ZFYVE9: variants seen among roughly 807,000 people sequenced by gnomAD.
The protein encoded by ZFYVE9 is zinc finger FYVE domain-containing protein 9.
In ZFYVE9, 43 loss-of-function variants were observed where a neutral mutation model predicts 126.7. The observed-to-expected ratio is 0.34, with a 90% CI of 0.27 to 0.44. The LOEUF (loss-of-function observed/expected upper bound fraction) is 0.44. Among genes scored for constraint, ZFYVE9 ranks in the 20% least tolerant of loss-of-function variants. The probability of loss-of-function intolerance (pLI) is 1.00; values close to 1 mark genes in which losing one functional copy is unlikely to be tolerated. For synonymous variants in ZFYVE9, 521 were observed against 597.4 expected (o/e 0.87, Z 1.87); for missense variants, 1,476 against 1,697.0 (o/e 0.87, Z 2.29).
chr1:52,189,197 A>G (rs1644793859), intron 1 of ZFYVE9, among the ~76,000 whole-genome samples: 1 of 150,348 alleles, frequency 6.7e-6, no homozygotes, highest in African/African-American at 2.5e-5. Context: ...TTAGCCTCCC[A>G]AAGTGCTAGG....
chr1:52,217,341 C>T (rs943195459), intron 2 of ZFYVE9, among the ~76,000 whole-genome samples: 3 of 152,016 alleles, frequency 2.0e-5, no homozygotes, highest in East Asian at 1.9e-4. Context: ...TTAACAGAAG[C>T]GGGGGTAGGA....
At chr1:52,334,079 C>T (rs904044921) in intron 14 of ZFYVE9, among the ~76,000 whole-genome samples, 4 of 145,308 alleles carry the variant, frequency 2.8e-5, no homozygotes, top group South Asian at 2.2e-4. Flanking sequence ...GGTGACAGAG[C>T]GAGACTCCGT....
At chr1:52,231,496 T>G (rs539008362) in intron 2 of ZFYVE9, among the ~76,000 whole-genome samples, 1 of 151,670 alleles carries the variant, frequency 6.6e-6, no homozygotes, top group Non-Finnish European at 1.5e-5. Context: ...CCAGCCTGGG[T>G]GACAGAGTGA....
chr1:52,344,987 A>G (rs751898270), intron 18 of ZFYVE9, 43 bp downstream of exon 18: 2 of 1,603,190 alleles, frequency 1.2e-6, no homozygotes, highest in African/African-American at 2.7e-5. Context: ...GCCTTGGGCA[A>G]CGTCTGTATT....
intron 1 of ZFYVE9, among the ~76,000 whole-genome samples, chr1:52,215,078 G>A (rs547819283): frequency 9.9e-5 from 15 of 152,104 alleles, no homozygotes; most frequent in African/African-American, 3.4e-4. Flanking sequence ...ATCTATTATT[G>A]GACTTGCCTC....
chr1:52,267,142 C>T, intron 6 of ZFYVE9, among the ~76,000 whole-genome samples: 1 of 152,144 alleles, frequency 6.6e-6, no homozygotes, highest in Non-Finnish European at 1.5e-5. Context: ...TCTGTAAATT[C>T]CTAGCCTACC....
At chr1:52,284,454 CT>C (rs1645834755) in intron 10 of ZFYVE9, among the ~76,000 whole-genome samples, 1 of 151,074 alleles carries the variant, frequency 6.6e-6, no homozygotes, top group Non-Finnish European at 1.5e-5. Context: ...GAGTCTCGCT[CT>C]GTCACCCAGC....
chr1:52,181,534 C>T (rs550520590), intron 1 of ZFYVE9, among the ~76,000 whole-genome samples: 1 of 152,300 alleles, frequency 6.6e-6, no homozygotes, highest in South Asian at 2.1e-4. Flanking sequence ...GCGTCTCTGC[C>T]TGGCCGCCCA....
intron 1 of ZFYVE9, among the ~76,000 whole-genome samples, chr1:52,189,514 G>T (rs1035615857): frequency 6.6e-6 from 1 of 151,976 alleles, no homozygotes; most frequent in African/African-American, 2.4e-5. Context: ...TGGAATTACA[G>T]GTGCGAGCCA....
chr1:52,264,040 G>A (rs1645610294), intron 5 of ZFYVE9, 168 bp downstream of exon 5: 1 of 405,014 alleles, frequency 2.5e-6, no homozygotes, highest in South Asian at 6.2e-5. Flanking sequence ...AAGTATCTTA[G>A]CATTTCAGAA....
intron 1 of ZFYVE9, among the ~76,000 whole-genome samples, chr1:52,193,965 A>G (rs983468566): frequency 2.6e-5 from 4 of 152,048 alleles, no homozygotes; most frequent in African/African-American, 7.2e-5. Flanking sequence ...TTAGAATTCT[A>G]TGTGTACAAT....
In ZFYVE9 at chr1:52,203,272, C is replaced by T. The variant is rs184242779; in HGVS notation, c.-142-13097C>T. On this transcript the variant is annotated intron_variant, in intron 1 of 18. Transcript: ENST00000287727. ...TCTCGGTTAACCTCAACCTCCACCT[C>T]CCAGGCTCAAGTGATACTCCTGCAT... Among the ~76,000 whole-genome samples the T allele has an allele frequency of 5.0e-4, 76 of 152,116 alleles. No individual in the cohort carries two copies. The East Asian group carries it at 0.014, about 28-fold the overall frequency.
At chr1:52,247,625 T>C (rs1355077246) in intron 4 of ZFYVE9, among the ~76,000 whole-genome samples, 1 of 151,942 alleles carries the variant, frequency 6.6e-6, no homozygotes, top group Admixed American at 6.6e-5. Flanking sequence ...GCCTCCCGAG[T>C]AGTTGGGATT....
intron 10 of ZFYVE9, 86 bp downstream of exon 10, chr1:52,281,902 T>C (rs1645809405): frequency 2.0e-6 from 3 of 1,499,246 alleles, no homozygotes; most frequent in Non-Finnish European, 2.8e-6. Flanking sequence ...GTCTTAACTT[T>C]GGACTTAAGC....
At chr1:52,289,633 G>A (rs1347041816) in intron 10 of ZFYVE9, among the ~76,000 whole-genome samples, 1 of 152,074 alleles carries the variant, frequency 6.6e-6, no homozygotes, top group Non-Finnish European at 1.5e-5. Flanking sequence ...TTCAGATTAG[G>A]TCTTCAGATG....
At chr1:52,180,483 G>T in intron 1 of ZFYVE9, 1 of 932,214 alleles carries the variant, frequency 1.1e-6, no homozygotes. Flanking sequence ...GAAGCCAGTT[G>T]AAGATGTATT....
At chr1:52,338,041 T>A in intron 16 of ZFYVE9, 107 bp downstream of exon 16, 1 of 1,353,844 alleles carries the variant, frequency 7.4e-7, no homozygotes, top group Non-Finnish European at 9.9e-7. Flanking sequence ...AAGCCCTGCC[T>A]AAGAGAAAGA....
intron 1 of ZFYVE9, among the ~76,000 whole-genome samples, chr1:52,183,694 C>T (rs753257326): frequency 2.6e-5 from 4 of 152,096 alleles, no homozygotes; most frequent in South Asian, 2.1e-4. Context: ...TTAGTAGAGA[C>T]AGGATTTCAC....
At position 52,238,458 on chromosome 1, in the gene ZFYVE9, T is replaced by C. The variant is rs764130485; in HGVS notation, c.1041T>C (p.Asn347=). The part of the protein sequence containing the change: ...LPLLLKPDMP[N]GSGRNNDCER... ...TGCTTCTCAAACCAGACATGCCTAA[T>C]GGGTCTGGAAGGAATAATGACTGTG... is the stretch of plus-strand genomic sequence containing the variant. Residue 347 remains asparagine (N), a synonymous_variant, in exon 4 of 19, where the codon AAT becomes AAC. Coordinates refer to ENST00000287727, the MANE Select transcript of ZFYVE9 (RefSeq NM_004799.4). 9 of 1,614,082 alleles carry C rather than the reference T, an allele frequency of 5.6e-6. No individual in the cohort carries two copies. The highest frequency in any genetic ancestry group is 3.3e-5 in the Admixed American group (2 of 60,002).
Sources: allele counts gnomAD v4.1 joint callset (sites outside exome capture counted in the v4.1 genomes callset), GRCh38; gene constraint gnomAD v4.1.1; transcripts MANE v1.5; gene names NCBI Gene and HGNC (gene_info 2026-07-23, HGNC 2026-07-21).